ACSL6: variants seen among roughly 807,000 people sequenced by gnomAD.
ACSL6 encodes long-chain-fatty-acid--CoA ligase 6.
A neutral mutation model predicts 98.2 loss-of-function variants in ACSL6; 47 were observed. That is an observed-to-expected ratio of 0.48 (90% CI 0.38 to 0.61). The LOEUF is 0.61. Ranked by LOEUF, ACSL6 falls within the 20% of genes least tolerant of loss-of-function variation. ACSL6 has a pLI of 0.00. For missense variants in ACSL6, 761 were observed against 913.4 expected, an observed-to-expected ratio of 0.83 and a Z score of 2.15; for synonymous variants, 362 against 336.9, an observed-to-expected ratio of 1.07 and a Z score of -0.82.
intron 18 of ACSL6, 49 bp from the exon 19 acceptor site, chr5:131,960,670 G>A: frequency 7.1e-7 from 1 of 1,404,470 alleles, no homozygotes; most frequent in African/African-American, 1.4e-5. Context: ...TGCATTTAAA[G>A]TGGTTATTTG....
In ACSL6 at chr5:131,976,683, C is replaced by T. The variant is rs1236451847; in HGVS notation, c.955G>A (p.Val319Met). Residue 319 changes from valine (V) to methionine (M), a missense_variant, in exon 10 of 21, where the codon GTG becomes ATG. Transcript: ENST00000651883. ...KGAMLTHGNV[V>M]ADFSGFLKVT... ...TTCAGAAAGCCTGAGAAATCAGCCA[C>T]CACGTTCCCATGGGTGAGCATCGCA... 16 of 1,614,086 alleles carry T rather than the reference C, an allele frequency of 9.9e-6. No individual in the cohort carries two copies. The highest frequency in any genetic ancestry group is 4.0e-5 in the African/African-American group (3 of 74,934).
Position 132,011,594 on chromosome 5 carries a change from C to G in ACSL6, c.-41G>C, listed in dbSNP as rs780934330. On this transcript the variant is annotated 5_prime_UTR_variant, in exon 1 of 21. Coordinates refer to ENST00000651883, the MANE Select transcript of ACSL6 (RefSeq NM_001009185.3). The surrounding 1 kb of genome is among the most constrained non-coding windows in gnomAD (Gnocchi z 5.4). ...CCGGCCCGGCCCGGCCCGGCCTCCC[C>G]GACCCGCAGCCCCGCAGCCCCGCAG... 4.8e-6 allele frequency: 7 copies of G among 1,461,076 alleles called. No individual in the cohort carries two copies. Among genetic ancestry groups the G allele is most frequent in the South Asian group, 4.1e-5 (3 of 72,448 alleles). The allele number at this position is 1,461,076 out of a possible 1,614,324, so 90.5% of individuals were successfully genotyped here.
Position 131,960,528 on chromosome 5 carries a change from T to C in ACSL6, c.1951A>G (p.Thr651Ala), listed in dbSNP as rs200587334. 1.2e-4 allele frequency: 198 copies of C among 1,613,580 alleles called. No homozygotes were observed. In the East Asian group the frequency reaches 4.3e-3, roughly 35 times the overall value. Residue 651 changes from threonine (T) to alanine (A), a missense_variant, in exon 19 of 21, where the codon ACA becomes GCA. Physicochemically the swap from Thr to Ala is moderately conservative, Grantham distance 58 (BLOSUM62 0). Coordinates refer to ENST00000651883, the MANE Select transcript of ACSL6 (RefSeq NM_001009185.3). ...AGCCCCAAGATACCAACCTTATTTG[T>C]GCAGAGATCTGCATATGTTCCTTCA... Reference protein sequence around the residue: ...GIEGTYADLCTNKDLKKAILE... With the variant: ...GIEGTYADLCANKDLKKAILE...
In ACSL6 at chr5:131,952,454, A is replaced by C. The variant is rs1561768176; in HGVS notation, c.*1780T>G. 1 of 214,646 alleles carries C rather than the reference A, an allele frequency of 4.7e-6. No individual in the cohort carries two copies. The highest frequency in any genetic ancestry group is 2.3e-5 in the African/African-American group (1 of 44,300). The allele number at this position is 214,646 out of a possible 1,614,324, so 13.3% of individuals were successfully genotyped here. A position where few individuals can be genotyped will look rare whatever the true frequency, so the allele number is the denominator to read the frequency against. On this transcript the variant is annotated 3_prime_UTR_variant, in exon 21 of 21. Transcript: ENST00000651883. ...CCATGTGATTATGTGGTTTTTAACT[A>C]ACAGCATTTATTTTTGCAAACTGCT...
At chr5:131,960,680 G>C in intron 18 of ACSL6, 59 bp from the exon 19 acceptor site, 1 of 1,366,458 alleles carries the variant, frequency 7.3e-7, no homozygotes, top group East Asian at 2.4e-5. Context: ...GTGGTTATTT[G>C]TGGTCCAGCA....
rs566445816 is a variant in ACSL6 at position 131,966,848 on chromosome 5, A to G, written c.1597-316T>C. 3.3e-5 allele frequency among the ~76,000 whole-genome samples: 5 copies of G among 152,330 alleles called. No individual in the cohort carries two copies. In the South Asian group the frequency reaches 1.0e-3, roughly 32 times the overall value. ...CACTTGATGGGGACTCATCACAGATATTGATGGCTGGCTGATTCTACCAGG... is the reference window on the plus strand; with the variant it reads ...CACTTGATGGGGACTCATCACAGATGTTGATGGCTGGCTGATTCTACCAGG... On this transcript the variant is annotated intron_variant, in intron 16 of 20. Transcript: ENST00000651883.
At chr5:131,995,392 A>G (rs189557695) in intron 1 of ACSL6, among the ~76,000 whole-genome samples, 245 of 152,250 alleles carry the variant, frequency 1.6e-3, no homozygotes, top group East Asian at 0.015. Flanking sequence ...GGCATCCCCA[A>G]TGGGACCCCC....
Position 131,981,333 on chromosome 5 carries a change from A to C in ACSL6, c.916+4074T>G, listed in dbSNP as rs2940563. On this transcript the variant is annotated intron_variant, in intron 9 of 20. Transcript: ENST00000651883. ...TCATAGTCAACTATTAAAAAAAAAAAAAAAAAAAAAAACACAACTTTCTCC... is the reference window on the plus strand; with the variant it reads ...TCATAGTCAACTATTAAAAAAAAAACAAAAAAAAAAAACACAACTTTCTCC... 1.1e-3 allele frequency among the ~76,000 whole-genome samples: 87 copies of C among 76,490 alleles called. No individual in the cohort carries two copies. In the East Asian group the frequency reaches 0.021, roughly 19 times the overall value. 50.2% of individuals were successfully genotyped at this position (76,490 alleles called of 152,430 possible).
intron 15 of ACSL6, among the ~76,000 whole-genome samples, chr5:131,968,585 A>G (rs1753144855): frequency 6.6e-6 from 1 of 152,220 alleles, no homozygotes; most frequent in African/African-American, 2.4e-5. Context: ...CCCACACCAC[A>G]TGTTGAATAA....
chr5:131,967,449 G>A (rs1165323713), intron 16 of ACSL6, among the ~76,000 whole-genome samples: 2 of 151,994 alleles, frequency 1.3e-5, no homozygotes, highest in Admixed American at 6.6e-5. Context: ...GGATCACGAA[G>A]TCAGGAGATT....
At chr5:132,011,865 G>A, upstream of ACSL6, 1 of 1,522,172 alleles carries the variant, frequency 6.6e-7, no homozygotes. The surrounding 1 kb of genome is among the most constrained non-coding windows in gnomAD (Gnocchi z 5.4). Flanking sequence ...GAGGGGCCCG[G>A]CCGCAGAGCG....
intron 17 of ACSL6, 129 bp downstream of exon 17, chr5:131,966,287 G>A (rs956092851): frequency 1.8e-5 from 15 of 824,510 alleles, no homozygotes; most frequent in Non-Finnish European, 3.0e-5. Context: ...CCTCCCCCCA[G>A]GCCCCAGAGG....
intron 7 of ACSL6, among the ~76,000 whole-genome samples, chr5:131,987,466 G>T (rs1754257894): frequency 1.2e-5 from 1 of 84,240 alleles, no homozygotes; most frequent in African/African-American, 2.6e-5. Flanking sequence ...ACATAGGGAG[G>T]CAGGAGAAGG....
chr5:131,993,262 G>A (rs1754620449), intron 2 of ACSL6: 1 of 152,338 alleles, frequency 6.6e-6, no homozygotes, highest in Non-Finnish European at 1.5e-5. Flanking sequence ...CAAAAGGCAA[G>A]GTGCACAACA....
chr5:131,986,615 C>T lies in ACSL6; in HGVS notation c.864+207G>A, dbSNP rs1330656813. On this transcript the variant is annotated intron_variant, in intron 8 of 20. Coordinates refer to ENST00000651883, the MANE Select transcript of ACSL6 (RefSeq NM_001009185.3). Reference sequence around the variant, plus strand: ...CAGGATTGGCAGCTCTTTTTTCTCCCTCCCAAATACCTGACTCCTGTTCCA... The same window carrying T: ...CAGGATTGGCAGCTCTTTTTTCTCCTTCCCAAATACCTGACTCCTGTTCCA... 2.6e-5 allele frequency among the ~76,000 whole-genome samples: 4 copies of T among 152,194 alleles called. No individual in the cohort carries two copies. The South Asian group carries it at 6.2e-4, about 24-fold the overall frequency.
intron 1 of ACSL6, among the ~76,000 whole-genome samples, chr5:132,002,510 G>T (rs1374016918): frequency 6.6e-6 from 1 of 152,112 alleles, no homozygotes; most frequent in African/African-American, 2.4e-5. Context: ...TATGGTTGGG[G>T]GTCACTGAGG....
chr5:131,959,939 G>A (rs1752613684), intron 19 of ACSL6, among the ~76,000 whole-genome samples: 1 of 152,098 alleles, frequency 6.6e-6, no homozygotes, highest in African/African-American at 2.4e-5. Context: ...GAGGGTCTAT[G>A]GCTACTACTA....
intron 8 of ACSL6, 99 bp downstream of exon 8, chr5:131,986,723 T>C: frequency 6.9e-7 from 1 of 1,448,678 alleles, no homozygotes; most frequent in South Asian, 1.2e-5. Context: ...AGTTGCTTAT[T>C]AACACAGAGG....
At chr5:131,968,397 C>T (rs769237778) in intron 15 of ACSL6, among the ~76,000 whole-genome samples, 29 of 152,152 alleles carry the variant, frequency 1.9e-4, no homozygotes, top group Admixed American at 1.6e-3. Context: ...TCAGATCACA[C>T]GTCTTGGTTT....
Sources: allele counts gnomAD v4.1 joint callset (sites outside exome capture counted in the v4.1 genomes callset), GRCh38; gene constraint gnomAD v4.1.1; non-coding constraint Gnocchi (gnomAD v3.1); transcripts MANE v1.5; gene names NCBI Gene and HGNC (gene_info 2026-07-23, HGNC 2026-07-21).